Variants in GRIN3B observed in about 807,000 individuals in gnomAD.
GRIN3B encodes glutamate receptor ionotropic, NMDA 3B.
GRIN3B carries 77 observed loss-of-function variants against 66.0 expected under a neutral mutation model. That is an observed-to-expected ratio of 1.17 (90% confidence interval 0.97 to 1.41). The LOEUF (loss-of-function observed/expected upper bound fraction) is 1.41, where lower values mean the gene tolerates loss of function less well. Among genes scored for constraint, GRIN3B ranks in the 40% most tolerant of loss-of-function variants. GRIN3B has a pLI of 0.00. For synonymous variants in GRIN3B, 823 were observed against 749.7 expected (o/e 1.10, Z -1.60); for missense variants, 1,787 against 1,564.5 (o/e 1.14, Z -2.40).
chr19:1,002,962 T>C (rs1220118286), intron 1 of GRIN3B, among the ~76,000 whole-genome samples, 168 bp from the exon 2 acceptor site: 4 of 142,558 alleles, frequency 2.8e-5, no homozygotes, highest in Non-Finnish European at 6.1e-5. Flanking sequence ...GTGGGGATGG[T>C]GATGGGGAAC....
At position 1,003,468 on chromosome 19, in the gene GRIN3B, C is replaced by T. The variant is rs1449136035; in HGVS notation, c.765C>T (p.Gly255=). The T allele has an allele frequency of 1.3e-6, 2 of 1,538,134 alleles. No homozygotes were observed. Among genetic ancestry groups the T allele is most frequent in the Non-Finnish European group, 1.7e-6 (2 of 1,147,010 alleles). The change falls in exon 2 of 9, where the codon GGC becomes GGT. Residue 255 remains glycine (G), a synonymous_variant. Coordinates refer to ENST00000234389, the MANE Select transcript of GRIN3B (RefSeq NM_138690.3). ...ARRVLEAVPP[G]PHWLLGTPLP... ...GGGTGCTGGAGGCCGTACCTCCCGG[C>T]CCCCACTGGCTGTTGGGGACACCAC...
chr19:1,001,720 G>A (rs894017942), intron 1 of GRIN3B, among the ~76,000 whole-genome samples: 1 of 151,984 alleles, frequency 6.6e-6, no homozygotes, highest in Non-Finnish European at 1.5e-5. Flanking sequence ...GGGAGACCCT[G>A]ACGCTAGAGG....
chr19:1,009,598 A>C lies in GRIN3B; in HGVS notation c.3128A>C (p.Glu1043Ala). 7.0e-7 allele frequency: 1 copy of C among 1,432,858 alleles called. No homozygotes were observed. Among genetic ancestry groups the C allele is most frequent in the Non-Finnish European group, 9.1e-7 (1 of 1,098,712 alleles). The allele number at this position is 1,432,858 out of a possible 1,614,324, so 88.8% of individuals were successfully genotyped here. Residue 1043 changes from glutamate to alanine, a missense_variant, in exon 9 of 9, where the codon GAA becomes GCA. By Grantham distance (107) the Glu-to-Ala change is moderately radical. Transcript: ENST00000234389. ...CACTCTGGCCGACCGGGGAGCCAGG[A>C]ATGAGGCGGCAGCCGGGCCGTTTGG... is the stretch of plus-strand genomic sequence containing the variant. Reference protein sequence around the residue: ...PPHSGRPGSQE With the variant: ...PPHSGRPGSQA
Position 1,004,963 on chromosome 19 carries a change from G to A in GRIN3B, c.1462G>A (p.Ala488Thr), listed in dbSNP as rs766382202. 2 of 1,611,544 alleles carry A rather than the reference G, an allele frequency of 1.2e-6. No individual in the cohort carries two copies. Among genetic ancestry groups the A allele is most frequent in the Middle Eastern group, 1.6e-4 (1 of 6,062 alleles). The change falls in exon 3 of 9, where the codon GCG becomes ACG. Residue 488 changes from alanine to threonine, a missense_variant. Physicochemically the swap from Ala to Thr is moderately conservative, Grantham distance 58. Transcript: ENST00000234389. ...CTGCATTGACCTGCTGGAGCGGCTG[G>A]CGGAGGACACGCCCTTCGACTTCGA... is the stretch of plus-strand genomic sequence containing the variant. Reference protein sequence around the residue: ...GYCIDLLERLAEDTPFDFELY... With the variant: ...GYCIDLLERLTEDTPFDFELY...
At position 1,009,691 on chromosome 19, in the gene GRIN3B, T is replaced by C; in HGVS notation, c.*89T>C. On this transcript the variant is annotated 3_prime_UTR_variant, in exon 9 of 9. Coordinates refer to ENST00000234389, the MANE Select transcript of GRIN3B (RefSeq NM_138690.3). ...CAGTTTATTCTATATACAAACACAATTTTGTACACTGCAATTAAATAGAAT... is the reference window on the plus strand; with the variant it reads ...CAGTTTATTCTATATACAAACACAACTTTGTACACTGCAATTAAATAGAAT... The C allele has an allele frequency of 9.5e-7, 1 of 1,048,424 alleles. No homozygotes were observed. Among genetic ancestry groups the C allele is most frequent in the East Asian group, 3.3e-5 (1 of 30,408 alleles). 64.9% of individuals were successfully genotyped at this position (1,048,424 alleles called of 1,614,324 possible).
chr19:1,008,613 C>T lies in GRIN3B; in HGVS notation c.2467-5C>T, dbSNP rs922236253. On this transcript the variant is annotated splice_region_variant and splice_polypyrimidine_tract_variant and intron_variant, in intron 6 of 8. Transcript: ENST00000234389. The stretch of plus-strand genomic sequence containing the variant: ...CGTGCGGGGCTCCTGCTGTGTTGCC[C>T]CCAGACCCTGCAGATGAGCATCTAC... The T allele has an allele frequency of 5.0e-6, 8 of 1,596,328 alleles. No individual in the cohort carries two copies. In the African/African-American group the frequency reaches 8.0e-5, roughly 16 times the overall value.
rs181358444 is a variant in GRIN3B at position 1,008,119 on chromosome 19, C to T, written c.2315-21C>T. 3.7e-3 allele frequency: 5,804 copies of T among 1,576,906 alleles called. 13 individuals carry two copies. The highest frequency in any genetic ancestry group is 4.4e-3 in the Non-Finnish European group (5,116 of 1,161,230). On this transcript the variant is annotated intron_variant, in intron 5 of 8. Transcript: ENST00000234389. The stretch of plus-strand genomic sequence containing the variant: ...CTGGGGCTGTCCCACCTGGCCCCAC[C>T]GCCTGGCCCCGCGCCCCCAGGCTAT...
At chr19:1,001,826 TG>T (rs1378018025) in intron 1 of GRIN3B, among the ~76,000 whole-genome samples, 2 of 151,998 alleles carry the variant, frequency 1.3e-5, no homozygotes, top group Non-Finnish European at 2.9e-5. Flanking sequence ...AACCCAGGCC[TG>T]GGGCGCCCTC....
In GRIN3B at chr19:1,008,132, G is replaced by A. The variant is rs1437505838; in HGVS notation, c.2315-8G>A. The A allele has an allele frequency of 4.4e-6, 7 of 1,585,864 alleles. No individual in the cohort carries two copies. The highest frequency in any genetic ancestry group is 1.1e-5 in the South Asian group (1 of 87,786). On this transcript the variant is annotated splice_polypyrimidine_tract_variant and splice_region_variant and intron_variant, in intron 5 of 8. Coordinates refer to ENST00000234389, the MANE Select transcript of GRIN3B (RefSeq NM_138690.3). ...ACCTGGCCCCACCGCCTGGCCCCGC[G>A]CCCCCAGGCTATGGGATCGGACTGC...
intron 2 of GRIN3B, among the ~76,000 whole-genome samples, chr19:1,004,096 G>T (rs2038713464): frequency 6.6e-6 from 1 of 152,174 alleles, no homozygotes; most frequent in Non-Finnish European, 1.5e-5. Context: ...AACACACAAA[G>T]TCAGGATGCT....
At position 1,003,217 on chromosome 19, in the gene GRIN3B, G is replaced by C. The variant is rs773375530; in HGVS notation, c.514G>C (p.Glu172Gln). 1.9e-6 allele frequency: 3 copies of C among 1,570,028 alleles called. 1 individual carries two copies. In the Admixed American group the frequency reaches 5.5e-5, roughly 29 times the overall value. ...LVAVLQAHAW[E>Q]DVGLALCRTQ... Reference sequence around the variant, plus strand: ...GGCGGTGCTGCAGGCGCACGCCTGGGAAGACGTCGGCCTGGCCCTGTGCCG... The same window carrying C: ...GGCGGTGCTGCAGGCGCACGCCTGGCAAGACGTCGGCCTGGCCCTGTGCCG... The change falls in exon 2 of 9, where the codon GAA becomes CAA. Residue 172 changes from glutamate to glutamine, a missense_variant. Glu to Gln is a conservative substitution (Grantham distance 29). Coordinates refer to ENST00000234389, the MANE Select transcript of GRIN3B (RefSeq NM_138690.3).
chr19:1,003,001 C>G (rs2145531508), intron 1 of GRIN3B, 129 bp from the exon 2 acceptor site: 1 of 591,340 alleles, frequency 1.7e-6, no homozygotes, highest in East Asian at 3.4e-5. Context: ...AGGGCTGGGG[C>G]TGGGGGGAGG....
Position 1,004,605 on chromosome 19 carries a change from T to TA in GRIN3B, c.1106dup (p.Val370GlyfsTer63). ...CCCAGGTACACATGTCTCGGCACTT[T>TA]AAGGTGTGGAGCCTTCGCCGGGACC... On this transcript the variant is annotated frameshift_variant, in exon 3 of 9. Coordinates refer to ENST00000234389, the MANE Select transcript of GRIN3B (RefSeq NM_138690.3). LOFTEE classifies it high-confidence loss of function. 4 of 1,608,228 alleles carry TA rather than the reference T, an allele frequency of 2.5e-6. No individual in the cohort carries two copies. Among genetic ancestry groups the TA allele is most frequent in the Admixed American group, 1.7e-5 (1 of 59,560 alleles).
chr19:1,009,476 G>GCGGCGCGGCCAGCTCCTGGCA lies in GRIN3B; in HGVS notation c.3008_3028dup (p.Arg1003_Ala1009dup). The GCGGCGCGGCCAGCTCCTGGCA allele has an allele frequency of 1.3e-6, 2 of 1,487,098 alleles. No individual in the cohort carries two copies. The highest frequency in any genetic ancestry group is 1.8e-6 in the Non-Finnish European group (2 of 1,125,376). The allele number at this position is 1,487,098 out of a possible 1,614,324, so 92.1% of individuals were successfully genotyped here. On this transcript the variant is annotated inframe_insertion, in exon 9 of 9. Coordinates refer to ENST00000234389, the MANE Select transcript of GRIN3B (RefSeq NM_138690.3). ...GTGAGCGGCTCCGCCAGGCCCTGGT[G>GCGGCGCGGCCAGCTCCTGGCA]CGGCGCGGCCAGCTCCTGGCACAGC...
rs770093108 is a variant in GRIN3B at position 1,004,598 on chromosome 19, G to C, written c.1097G>C (p.Arg366Pro). The change falls in exon 3 of 9, where the codon CGG becomes CCG. Residue 366 changes from arginine to proline, a missense_variant. Arg to Pro is a moderately radical substitution (Grantham distance 103). Coordinates refer to ENST00000234389, the MANE Select transcript of GRIN3B (RefSeq NM_138690.3). ...VTGSSQVHMS[R>P]HFKVWSLRRD... ...GGCAGCTCCCAGGTACACATGTCTC[G>C]GCACTTTAAGGTGTGGAGCCTTCGC... The C allele has an allele frequency of 5.0e-6, 8 of 1,607,670 alleles. No homozygotes were observed. The South Asian group carries it at 7.7e-5, about 16-fold the overall frequency.
intron 3 of GRIN3B, among the ~76,000 whole-genome samples, chr19:1,006,742 G>A (rs974103714): frequency 6.6e-6 from 1 of 152,186 alleles, no homozygotes; most frequent in Non-Finnish European, 1.5e-5. Context: ...CGGTAGTAAA[G>A]CGTAGACGCC....
At chr19:1,001,996 C>T (rs908404975) in intron 1 of GRIN3B, 3 of 152,244 alleles carry the variant, frequency 2.0e-5, no homozygotes, top group Admixed American at 6.5e-5. Flanking sequence ...CCTGCCAACC[C>T]GAGGGGCCTG....
rs868306075 is a variant in GRIN3B at position 1,008,226 on chromosome 19, G to A, written c.2401G>A (p.Asp801Asn). The A allele has an allele frequency of 5.0e-6, 8 of 1,605,692 alleles. No homozygotes were observed. The highest frequency in any genetic ancestry group is 1.3e-5 in the African/African-American group (1 of 74,494). Residue 801 changes from aspartate to asparagine, a missense_variant, in exon 6 of 9, where the codon GAC becomes AAC. Transcript: ENST00000234389. ...ISRYKSSGFI[D>N]LLHDKWYKMV... The stretch of plus-strand genomic sequence containing the variant: ...CCGCTACAAGTCCTCCGGCTTCATC[G>A]ACCTGCTCCACGACAAGTGGTACAA...
At chr19:1,003,844 C>G (rs375439703) in intron 2 of GRIN3B, 122 bp downstream of exon 2, 2 of 755,836 alleles carry the variant, frequency 2.6e-6, no homozygotes, top group Non-Finnish European at 3.8e-6. Context: ...CCCAGCACTT[C>G]GGAAGGCCGA....
Sources: allele counts gnomAD v4.1 joint callset (sites outside exome capture counted in the v4.1 genomes callset), GRCh38; gene constraint gnomAD v4.1.1; transcripts MANE v1.5; gene names NCBI Gene and HGNC (gene_info 2026-07-23, HGNC 2026-07-21).